Variants in IQGAP2 observed in about 807,000 individuals in gnomAD.
The protein encoded by IQGAP2 is IQ motif containing GTPase activating protein 2, also known as ras GTPase-activating-like protein IQGAP2.
Under a neutral mutation model 201.3 loss-of-function variants are expected in IQGAP2, and 173 were observed. The observed-to-expected ratio is 0.86, with a 90% CI of 0.76 to 0.98. The LOEUF is 0.98. Ranked by LOEUF, IQGAP2 falls within the 50% of genes least tolerant of loss-of-function variation. The pLI is 0.00. For missense variants in IQGAP2, 1,687 were observed against 1,864.8 expected (o/e 0.90, Z 1.76); for synonymous variants, 675 against 673.9 (o/e 1.00, Z -0.03).
At chr5:76,664,798 A>G (rs1743592345) in intron 21 of IQGAP2, among the ~76,000 whole-genome samples, 1 of 152,252 alleles carries the variant, frequency 6.6e-6, no homozygotes. Context: ...AAGTAAGCAC[A>G]TGCTATTGGA....
chr5:76,440,501 A>C (rs1316369655), intron 1 of IQGAP2, among the ~76,000 whole-genome samples: 1 of 152,232 alleles, frequency 6.6e-6, no homozygotes, highest in Non-Finnish European at 1.5e-5. Context: ...ATGAGCATAG[A>C]GCTTCTAGGG....
At chr5:76,564,325 G>C (rs111550705) in intron 3 of IQGAP2, among the ~76,000 whole-genome samples, 1 of 152,078 alleles carries the variant, frequency 6.6e-6, no homozygotes, top group Non-Finnish European at 1.5e-5. Flanking sequence ...TCAAGATCTA[G>C]GTCTGTCAGT....
chr5:76,475,180 C>T (rs878940391), intron 2 of IQGAP2, among the ~76,000 whole-genome samples: 3 of 152,072 alleles, frequency 2.0e-5, no homozygotes, highest in Non-Finnish European at 4.4e-5. Context: ...AGGAAGGATA[C>T]TAAGAGTCAC....
chr5:76,580,436 GAACAAAACAA>G (rs368221905), intron 5 of IQGAP2, among the ~76,000 whole-genome samples: 43 of 151,922 alleles, frequency 2.8e-4, no homozygotes, highest in South Asian at 6.2e-4. Flanking sequence ...CCGTCTCAAA[GAACAAAACAA>G]AACAAAACAA....
intron 1 of IQGAP2, among the ~76,000 whole-genome samples, chr5:76,434,163 G>A (rs1235799329): frequency 6.6e-6 from 1 of 152,134 alleles, no homozygotes; most frequent in East Asian, 1.9e-4. Flanking sequence ...ATCCACTTTT[G>A]AGGACCAAGT....
At chr5:76,610,076 C>CTCTCTCTCTATATATA (rs1326468006) in intron 12 of IQGAP2, among the ~76,000 whole-genome samples, 1 of 18,700 alleles carries the variant, frequency 5.3e-5, no homozygotes, top group Non-Finnish European at 9.6e-5. Flanking sequence ...CTCTCTCTCT[C>CTCTCTCTCTATATATA]TATATATATA....
chr5:76,575,259 A>G (rs4704339), intron 4 of IQGAP2, among the ~76,000 whole-genome samples: 10,913 of 152,252 alleles, frequency 0.072, 733 homozygotes, highest in Admixed American at 0.19. Context: ...GCATGTATAC[A>G]TGTGTACAGA....
intron 2 of IQGAP2, among the ~76,000 whole-genome samples, chr5:76,553,213 C>T (rs1263252409): frequency 6.6e-6 from 1 of 152,128 alleles, no homozygotes; most frequent in Non-Finnish European, 1.5e-5. Flanking sequence ...TGCCTGTTGA[C>T]ACAGAAGGTG....
At chr5:76,504,467 C>G (rs1253337967) in intron 2 of IQGAP2, among the ~76,000 whole-genome samples, 3 of 152,176 alleles carry the variant, frequency 2.0e-5, no homozygotes, top group Non-Finnish European at 4.4e-5. Flanking sequence ...GTGCGAAAGT[C>G]CTGGGCTTCA....
At chr5:76,669,570 A>C (rs1744109324) in intron 23 of IQGAP2, among the ~76,000 whole-genome samples, 1 of 152,224 alleles carries the variant, frequency 6.6e-6, no homozygotes. Context: ...TTGACTAGTA[A>C]AGATTTTATA....
intron 1 of IQGAP2, among the ~76,000 whole-genome samples, chr5:76,452,227 T>G (rs1004566729): frequency 1.3e-5 from 2 of 150,526 alleles, no homozygotes; most frequent in African/African-American, 4.8e-5. Context: ...TGTTTTTTTC[T>G]TTTCTTTTTT....
chr5:76,579,328 G>C (rs1745680846), intron 5 of IQGAP2, among the ~76,000 whole-genome samples: 1 of 151,938 alleles, frequency 6.6e-6, no homozygotes, highest in African/African-American at 2.4e-5. Flanking sequence ...CATGATTACA[G>C]ATCTGGGTTT....
chr5:76,650,846 C>G (rs1035969319), intron 17 of IQGAP2, among the ~76,000 whole-genome samples: 2 of 152,136 alleles, frequency 1.3e-5, no homozygotes, highest in East Asian at 1.9e-4. Context: ...TAGCTGTTCC[C>G]CCTATTAGTG....
chr5:76,452,241 T>G (rs889747265), intron 1 of IQGAP2, among the ~76,000 whole-genome samples: 1 of 150,932 alleles, frequency 6.6e-6, no homozygotes, highest in African/African-American at 2.4e-5. Context: ...CTTTTTTTTT[T>G]TTTGTTTGTT....
intron 35 of IQGAP2, among the ~76,000 whole-genome samples, chr5:76,702,829 C>T (rs1452495094): frequency 6.6e-6 from 1 of 151,534 alleles, no homozygotes; most frequent in Non-Finnish European, 1.5e-5. Flanking sequence ...AGCCATGTTT[C>T]CATTTTAAAG....
chr5:76,449,453 A>ACCT, intron 1 of IQGAP2, among the ~76,000 whole-genome samples: 1 of 152,192 alleles, frequency 6.6e-6, no homozygotes, highest in South Asian at 2.1e-4. Context: ...ACTGAGGTAC[A>ACCT]AAGTCCTTCT....
chr5:76,452,095 G>A (rs368608045), intron 1 of IQGAP2, among the ~76,000 whole-genome samples: 3 of 150,780 alleles, frequency 2.0e-5, no homozygotes, highest in African/African-American at 7.3e-5. Flanking sequence ...AAGTAATACA[G>A]GTAAATGGTA....
chr5:76,463,508 T>C (rs917719271), intron 2 of IQGAP2, among the ~76,000 whole-genome samples: 4 of 152,236 alleles, frequency 2.6e-5, no homozygotes, highest in Admixed American at 2.6e-4. Context: ...AAGGTGAAAG[T>C]ATTCTGTAAG....
chr5:76,594,182 C>T (rs1746853530), intron 9 of IQGAP2, among the ~76,000 whole-genome samples: 1 of 152,040 alleles, frequency 6.6e-6, no homozygotes, highest in Non-Finnish European at 1.5e-5. Context: ...TTGCTCTATG[C>T]GAAAGCTGAG....
Sources: gnomAD v4.1 joint callset for allele counts (sites outside exome capture counted in the v4.1 genomes callset) on GRCh38, gnomAD v4.1.1 for gene constraint, MANE v1.5 for transcripts, NCBI Gene and HGNC (gene_info 2026-07-23, HGNC 2026-07-21) for gene names.